The following CCDC32 variants were observed in gnomAD, a reference collection of about 807,000 sequenced individuals.
The protein encoded by CCDC32 is coiled-coil domain-containing protein 32.
Under a neutral mutation model 20.1 loss-of-function variants are expected in CCDC32, and 9 were observed. That is an observed-to-expected ratio of 0.45 (90% CI 0.27 to 0.78). The LOEUF (loss-of-function observed/expected upper bound fraction) is 0.78. Among genes scored for constraint, CCDC32 ranks in the 30% least tolerant of loss-of-function variants. CCDC32 has a pLI of 0.16. For missense variants in CCDC32, 204 were observed against 215.5 expected (o/e 0.95, Z 0.33); for synonymous variants, 63 against 79.0 (o/e 0.80, Z 1.07).
intron 2 of CCDC32, among the ~76,000 whole-genome samples, chr15:40,558,569 C>G (rs144287305): frequency 1.3e-5 from 2 of 152,186 alleles, no homozygotes; most frequent in African/African-American, 4.8e-5. Flanking sequence ...AGGTCTTCCT[C>G]TCTCTAAGTA....
chr15:40,547,327 C>T (rs917310989), intron 3 of CCDC32, among the ~76,000 whole-genome samples: 8 of 152,236 alleles, frequency 5.3e-5, no homozygotes, highest in Middle Eastern at 3.4e-3. Flanking sequence ...GTGCCAGGCT[C>T]AGGCAGGGCA....
chr15:40,556,987 C>A, intron 3 of CCDC32: 1 of 293,050 alleles, frequency 3.4e-6, no homozygotes. Context: ...AGAAAGAATT[C>A]AAGAACATGA....
chr15:40,563,810 T>C (rs967386866), intron 1 of CCDC32, among the ~76,000 whole-genome samples: 7 of 139,746 alleles, frequency 5.0e-5, no homozygotes, highest in Non-Finnish European at 7.8e-5. Context: ...TTCTGTTTTT[T>C]TTTCTTTCTT....
chr15:40,534,783 C>G, downstream of CCDC32: 1 of 657,686 alleles, frequency 1.5e-6, no homozygotes, highest in Non-Finnish European at 2.8e-6. Context: ...ACCTAATTAC[C>G]TCCCCAAAGT....
At chr15:40,524,258 G>A (rs941618023), downstream of CCDC32, among the ~76,000 whole-genome samples, 41 of 144,718 alleles carry the variant, frequency 2.8e-4, no homozygotes, top group African/African-American at 9.3e-4. Context: ...CCAGGTTGAC[G>A]CCATTCTCCT....
At chr15:40,543,257 A>G (rs1889476389) in intron 3 of CCDC32, among the ~76,000 whole-genome samples, 2 of 152,164 alleles carry the variant, frequency 1.3e-5, no homozygotes, top group African/African-American at 2.4e-5. Context: ...GAAACTTGCA[A>G]TAAAGTCTGA....
At position 40,560,113 on chromosome 15, in the gene CCDC32, G is replaced by A. The variant is rs537121187; in HGVS notation, c.244+2659C>T. Among the ~76,000 whole-genome samples the A allele has an allele frequency of 1.1e-3, 160 of 152,286 alleles. 1 individual carries two copies. The highest frequency in any genetic ancestry group is 3.4e-3 in the Middle Eastern group (1 of 294). ...CAACCTCTGCCTCCTGGGTTCAAGC[G>A]ATTCTCCTGTCTCAGCCTCCCGAGT... On this transcript the variant is annotated intron_variant, in intron 2 of 3. Transcript: ENST00000416810.
At chr15:40,537,659 C>G (rs1889179159), downstream of CCDC32, 1 of 152,298 alleles carries the variant, frequency 6.6e-6, no homozygotes, top group South Asian at 2.1e-4. Flanking sequence ...CTCAAAAATG[C>G]TGGCTCTTGG....
downstream of CCDC32, chr15:40,536,664 CCTT>C (rs2141603996): frequency 6.6e-6 from 1 of 152,408 alleles, no homozygotes; most frequent in East Asian, 1.9e-4. Flanking sequence ...GAGTCTCGGA[CCTT>C]CTCTGGCTCA....
chr15:40,540,550 G>A (rs1461017471), intron 3 of CCDC32, among the ~76,000 whole-genome samples: 1 of 151,614 alleles, frequency 6.6e-6, no homozygotes, highest in Non-Finnish European at 1.5e-5. Flanking sequence ...TGTATTTTTA[G>A]TAGAAACAGG....
chr15:40,565,034 T>A lies in CCDC32; in HGVS notation c.-71A>T, dbSNP rs1890930440. The A allele has an allele frequency of 1.8e-6, 1 of 558,242 alleles. No homozygotes were observed. The highest frequency in any genetic ancestry group is 3.2e-6 in the Non-Finnish European group (1 of 312,452). 34.6% of individuals were successfully genotyped at this position (558,242 alleles called of 1,614,324 possible). A position where few individuals can be genotyped will look rare whatever the true frequency, so the allele number is the denominator to read the frequency against. ...TCTGTCGCCTGTAGCCCGGAGGAAA[T>A]CGGGAGGGGCGGAGTCCCCTAGTGA... On this transcript the variant is annotated 5_prime_UTR_variant, in exon 1 of 4. Coordinates refer to ENST00000416810, the MANE Select transcript of CCDC32 (RefSeq NM_001080792.4).
At chr15:40,539,855 C>CACACACACACAA (rs1889306510) in intron 3 of CCDC32, among the ~76,000 whole-genome samples, 1 of 151,178 alleles carries the variant, frequency 6.6e-6, no homozygotes, top group African/African-American at 2.4e-5. Flanking sequence ...CACACACACA[C>CACACACACACAA]ACACACACAC....
At chr15:40,541,686 A>G (rs952687129) in intron 3 of CCDC32, among the ~76,000 whole-genome samples, 1 of 152,210 alleles carries the variant, frequency 6.6e-6, no homozygotes, top group Non-Finnish European at 1.5e-5. Flanking sequence ...AACTACCCAC[A>G]GTGGACCTAC....
At chr15:40,526,788 C>A (rs1459731924), downstream of CCDC32, among the ~76,000 whole-genome samples, 1 of 152,120 alleles carries the variant, frequency 6.6e-6, no homozygotes, top group Admixed American at 6.5e-5. Context: ...TGGCATGTGC[C>A]TGTAGTCTTG....
the CCDC32 span, among the ~76,000 whole-genome samples, chr15:40,522,873 A>G: frequency 6.2e-5 from 9 of 144,486 alleles, no homozygotes; most frequent in African/African-American, 2.3e-4. Flanking sequence ...TGTTGCCCAG[A>G]CTGAAGGGCA....
chr15:40,524,891 T>C (rs1894881761), downstream of CCDC32, among the ~76,000 whole-genome samples: 1 of 151,916 alleles, frequency 6.6e-6, no homozygotes, highest in South Asian at 2.1e-4. Context: ...TATGCCCAGC[T>C]AATTTTTTAA....
chr15:40,539,179 A>T (rs1203948457), downstream of CCDC32: 1 of 1,427,050 alleles, frequency 7.0e-7, no homozygotes, highest in Non-Finnish European at 9.5e-7. Context: ...ACCTGACACC[A>T]CAGAAAGGTC....
intron 3 of CCDC32, among the ~76,000 whole-genome samples, chr15:40,547,113 T>G (rs776608408): frequency 4.6e-5 from 7 of 152,076 alleles, no homozygotes; most frequent in Non-Finnish European, 7.4e-5. Flanking sequence ...AGCCTGTTGG[T>G]CTGGGGGGTT....
Position 40,557,204 on chromosome 15 carries a change from G to T in CCDC32, c.401+12C>A. ...GATGATTTCAGCTGGAACTAGACGG[G>T]GAATCGATTACCTCTCATCAGAATC... On this transcript the variant is annotated intron_variant, in intron 3 of 3. Transcript: ENST00000416810. The T allele has an allele frequency of 6.2e-7, 1 of 1,602,690 alleles. No individual in the cohort carries two copies. Among genetic ancestry groups the T allele is most frequent in the Non-Finnish European group, 8.5e-7 (1 of 1,175,886 alleles).
Sources: allele counts gnomAD v4.1 joint callset (sites outside exome capture counted in the v4.1 genomes callset), GRCh38; gene constraint gnomAD v4.1.1; transcripts MANE v1.5; gene names NCBI Gene and HGNC (gene_info 2026-07-23, HGNC 2026-07-21).